The following RNLS variants were observed in gnomAD, a reference collection of about 807,000 sequenced individuals.
RNLS encodes renalase.
A neutral mutation model predicts 39.8 loss-of-function variants in RNLS; 39 were observed. That is an observed-to-expected ratio of 0.98 (90% confidence interval 0.76 to 1.28). The LOEUF (loss-of-function observed/expected upper bound fraction) is 1.28. Among genes scored for constraint, RNLS ranks in the 50% most tolerant of loss-of-function variants. The pLI is 0.00. For missense variants in RNLS, 410 were observed against 413.3 expected (o/e 0.99, Z 0.07); for synonymous variants, 147 against 150.7 (o/e 0.98, Z 0.18).
the RNLS span, among the ~76,000 whole-genome samples, chr10:88,232,683 G>C: frequency 1.3e-5 from 2 of 152,218 alleles, no homozygotes; most frequent in Admixed American, 1.3e-4. Context: ...AAGGTGGCCA[G>C]TCTGCCAGCC....
chr10:88,471,869 A>T (rs1589851162), intron 4 of RNLS, among the ~76,000 whole-genome samples: 3 of 152,086 alleles, frequency 2.0e-5, no homozygotes, highest in Non-Finnish European at 4.4e-5. Context: ...CTTGGTGTCC[A>T]GAGTTGTTAT....
intron 4 of RNLS, among the ~76,000 whole-genome samples, chr10:88,383,253 G>C (rs1320117321): frequency 6.6e-6 from 1 of 152,068 alleles, no homozygotes; most frequent in Non-Finnish European, 1.5e-5. Context: ...TCAGGGCCAA[G>C]ATTGAAATTT....
intron 4 of RNLS, among the ~76,000 whole-genome samples, chr10:88,492,424 T>TC (rs1304233327): frequency 6.7e-6 from 1 of 148,282 alleles, no homozygotes; most frequent in African/African-American, 2.5e-5. Context: ...TCTTTTTCTT[T>TC]TTTTTTTTTT....
chr10:88,227,118 T>C, the RNLS span, among the ~76,000 whole-genome samples: 1 of 152,320 alleles, frequency 6.6e-6, no homozygotes, highest in Non-Finnish European at 1.5e-5. Context: ...AGAGGTCATA[T>C]GGCCCAAAAA....
At chr10:88,531,235 A>C (rs1847404880) in intron 4 of RNLS, among the ~76,000 whole-genome samples, 1 of 151,976 alleles carries the variant, frequency 6.6e-6, no homozygotes, top group South Asian at 2.1e-4. Context: ...TGCTTTATCA[A>C]TATTCCTACA....
downstream of RNLS, among the ~76,000 whole-genome samples, chr10:88,271,377 C>A (rs1842645795): frequency 6.6e-6 from 1 of 152,174 alleles, no homozygotes; most frequent in Non-Finnish European, 1.5e-5. Context: ...CCTTCTGAGA[C>A]ATTTTTCTTG....
At chr10:88,283,846 A>T (rs1476639158), downstream of RNLS, among the ~76,000 whole-genome samples, 4 of 152,126 alleles carry the variant, frequency 2.6e-5, no homozygotes, top group Non-Finnish European at 5.9e-5. Context: ...ATCAGGAAAA[A>T]TAACTAATGG....
chr10:88,464,324 C>G (rs1446495799), intron 4 of RNLS, among the ~76,000 whole-genome samples: 1 of 152,048 alleles, frequency 6.6e-6, no homozygotes, highest in African/African-American at 2.4e-5. Context: ...TCTCTGCTTA[C>G]CATTTTCCTC....
intron 4 of RNLS, among the ~76,000 whole-genome samples, chr10:88,570,868 G>A (rs1849778138): frequency 1.3e-5 from 2 of 152,036 alleles, no homozygotes; most frequent in Non-Finnish European, 2.9e-5. Context: ...AGTAAATCCT[G>A]GAGATCCCCT....
At chr10:88,425,898 GAGTA>G (rs1854720582) in intron 4 of RNLS, among the ~76,000 whole-genome samples, 1 of 152,094 alleles carries the variant, frequency 6.6e-6, no homozygotes, top group Non-Finnish European at 1.5e-5. Flanking sequence ...AGTGTGTTTG[GAGTA>G]GGGGGTCAAT....
chr10:88,321,781 G>A (rs939506066), intron 5 of RNLS, among the ~76,000 whole-genome samples: 4 of 151,764 alleles, frequency 2.6e-5, no homozygotes, highest in East Asian at 1.9e-4. Context: ...CCAATAATGA[G>A]CTAGAAAATT....
At chr10:88,506,389 C>A (rs1002375169) in intron 4 of RNLS, among the ~76,000 whole-genome samples, 1 of 151,964 alleles carries the variant, frequency 6.6e-6, no homozygotes, top group African/African-American at 2.4e-5. Flanking sequence ...TTATCATTAC[C>A]TATCTTAGAT....
chr10:88,351,417 G>A (rs1484004648), intron 5 of RNLS, among the ~76,000 whole-genome samples: 3 of 152,172 alleles, frequency 2.0e-5, no homozygotes, highest in Non-Finnish European at 4.4e-5. Flanking sequence ...TACGGTGTAA[G>A]GAAGGGATCC....
chr10:88,193,115 G>A, the RNLS span, among the ~76,000 whole-genome samples: 1 of 152,158 alleles, frequency 6.6e-6, no homozygotes, highest in African/African-American at 2.4e-5. Flanking sequence ...CTCTTCACAG[G>A]ACCTGCAAAC....
the RNLS span, among the ~76,000 whole-genome samples, chr10:88,200,169 C>A: frequency 2.6e-5 from 4 of 152,180 alleles, no homozygotes; most frequent in African/African-American, 9.7e-5. Flanking sequence ...CAACTACCCA[C>A]AGAGGTGAGG....
intron 4 of RNLS, among the ~76,000 whole-genome samples, chr10:88,423,465 G>C (rs960309144): frequency 6.6e-6 from 1 of 152,156 alleles, no homozygotes; most frequent in African/African-American, 2.4e-5. Flanking sequence ...TAATTACTCA[G>C]TATTCACCAC....
At chr10:88,356,815 T>G (rs1849227425) in intron 5 of RNLS, among the ~76,000 whole-genome samples, 1 of 99,770 alleles carries the variant, frequency 1.0e-5, no homozygotes, top group Non-Finnish European at 2.4e-5. Context: ...TCTCCTCAGA[T>G]TGCTGACTAT....
At chr10:88,453,801 T>C (rs1842475871) in intron 4 of RNLS, among the ~76,000 whole-genome samples, 1 of 152,240 alleles carries the variant, frequency 6.6e-6, no homozygotes, top group African/African-American at 2.4e-5. Flanking sequence ...TGAGTTTTCT[T>C]ATTTAGTGCT....
At chr10:88,555,897 G>A (rs1848848837) in intron 4 of RNLS, among the ~76,000 whole-genome samples, 1 of 152,020 alleles carries the variant, frequency 6.6e-6, no homozygotes, top group African/African-American at 2.4e-5. Context: ...GTTTCTCTGG[G>A]TTCAATCTTG....
Sources: allele counts gnomAD v4.1 joint callset (sites outside exome capture counted in the v4.1 genomes callset), GRCh38; gene constraint gnomAD v4.1.1; transcripts MANE v1.5; gene names NCBI Gene and HGNC (gene_info 2026-07-23, HGNC 2026-07-21).